The following GTF2H3 variants were observed in gnomAD, a reference collection of about 807,000 sequenced individuals.
GTF2H3 encodes the protein general transcription factor IIH subunit 3, also known as TFIIH basal transcription factor complex p34 subunit.
A neutral mutation model predicts 51.1 loss-of-function variants in GTF2H3; 42 were observed. The ratio of observed to expected loss-of-function variants is 0.82; its 90% CI spans 0.64 to 1.06. The LOEUF (loss-of-function observed/expected upper bound fraction) is 1.06, where lower values mean the gene tolerates loss of function less well. Ranked by LOEUF, GTF2H3 falls within the 50% of genes least tolerant of loss-of-function variation. The pLI, the probability that GTF2H3 is intolerant of heterozygous loss-of-function variation, is 0.00. For missense variants in GTF2H3, 326 were observed against 366.1 expected (o/e 0.89, Z 0.89); for synonymous variants, 123 against 123.8 (o/e 0.99, Z 0.04).
intron 2 of GTF2H3, among the ~76,000 whole-genome samples, chr12:123,644,442 C>T (rs7967780): frequency 0.14 from 21,082 of 151,936 alleles, 2,945 homozygotes; most frequent in African/African-American, 0.36. Flanking sequence ...CCGAGGCGGG[C>T]GGATCATGAG....
chr12:123,638,957 A>G (rs921878910), intron 1 of GTF2H3, among the ~76,000 whole-genome samples: 3 of 151,566 alleles, frequency 2.0e-5, no homozygotes, highest in Non-Finnish European at 4.4e-5. Context: ...CACCACGCCC[A>G]TCTAATTTTT....
intron 1 of GTF2H3, 33 bp from the exon 2 acceptor site, chr12:123,639,231 G>A: frequency 1.9e-6 from 2 of 1,061,966 alleles, no homozygotes; most frequent in Non-Finnish European, 2.9e-6. Context: ...TGGAGCTAAT[G>A]TTTTAAATTT....
chr12:123,659,649 G>A (rs1955630059), intron 10 of GTF2H3, 65 bp downstream of exon 10: 1 of 1,547,500 alleles, frequency 6.5e-7, no homozygotes, highest in Non-Finnish European at 8.9e-7. Flanking sequence ...TCCTGGGAAA[G>A]GAATGGAAGC....
intron 2 of GTF2H3, among the ~76,000 whole-genome samples, chr12:123,642,764 C>T (rs1955395588): frequency 2.0e-5 from 3 of 152,190 alleles, no homozygotes; most frequent in African/African-American, 7.2e-5. Context: ...ATAATTGTTA[C>T]TTACACAGTT....
At chr12:123,641,619 A>G (rs376325160) in intron 2 of GTF2H3, among the ~76,000 whole-genome samples, 1 of 149,390 alleles carries the variant, frequency 6.7e-6, no homozygotes, top group East Asian at 2.0e-4. Context: ...GTGAGCCACC[A>G]TGCCCATTTC....
chr12:123,654,315 A>AT (rs11417471), intron 7 of GTF2H3, among the ~76,000 whole-genome samples: 145,186 of 146,392 alleles, frequency 0.99, 72,001 homozygotes, highest in Middle Eastern at 1. Context: ...GGGGCTGTGT[A>AT]TTTGGTTGTG....
chr12:123,648,478 C>T (rs1015787321), intron 4 of GTF2H3: 4 of 163,728 alleles, frequency 2.4e-5, no homozygotes, highest in African/African-American at 9.6e-5. Flanking sequence ...TTTTCTCCCT[C>T]TATATGTTCT....
intron 3 of GTF2H3, 152 bp downstream of exon 3, chr12:123,645,713 A>G: frequency 1.7e-6 from 1 of 585,152 alleles, no homozygotes; most frequent in Non-Finnish European, 3.0e-6. Context: ...GTACATGTAC[A>G]TTGTGATATC....
chr12:123,660,245 A>C lies in GTF2H3; in HGVS notation c.*10A>C, dbSNP rs11573008. 619 of 1,591,680 alleles carry C rather than the reference A, an allele frequency of 3.9e-4. 3 individuals carry two copies. The African/African-American group carries it at 7.6e-3, about 19-fold the overall frequency. On this transcript the variant is annotated 3_prime_UTR_variant, in exon 13 of 13. Coordinates refer to ENST00000543341, the MANE Select transcript of GTF2H3 (RefSeq NM_001516.5). ...GAAAGTGTCTGCCTGAGGATAAAAT[A>C]TTTTCCCCATCTTTTAGAGCTGTTA...
intron 1 of GTF2H3, among the ~76,000 whole-genome samples, chr12:123,636,898 CAA>C (rs1955292716): frequency 2.0e-5 from 3 of 151,508 alleles, no homozygotes; most frequent in Admixed American, 2.0e-4. Context: ...CCCTGGGCAA[CAA>C]GAGCAAAACT....
intron 6 of GTF2H3, 51 bp from the exon 7 acceptor site, chr12:123,652,656 T>C (rs1251711124): frequency 6.5e-7 from 1 of 1,538,618 alleles, no homozygotes; most frequent in East Asian, 2.3e-5. Flanking sequence ...GGAAACCATA[T>C]ATGATTAGTA....
intron 2 of GTF2H3, among the ~76,000 whole-genome samples, chr12:123,642,568 C>G (rs915238997): frequency 6.6e-6 from 1 of 152,124 alleles, no homozygotes; most frequent in African/African-American, 2.4e-5. Context: ...ATAATTCGAC[C>G]CACAACAGTT....
rs963014701 is a variant in GTF2H3, at chr12:123,651,302, CCAGATTCAAG to C, written c.427+250_427+259del. 9 of 328,338 alleles carry C rather than the reference CCAGATTCAAG, an allele frequency of 2.7e-5. No individual in the cohort carries two copies. In the Admixed American group the frequency reaches 3.6e-4, roughly 13 times the overall value. 20.3% of individuals were successfully genotyped at this position (328,338 alleles called of 1,614,324 possible). A position where few individuals can be genotyped will look rare whatever the true frequency, so the allele number is the denominator to read the frequency against. ...CTCGGCTCACTGCAACCTTCGCCTCCCAGATTCAAGCAGTTCTCTTGCTTCAGCCTCCCAA... is the reference window on the plus strand; with the variant it reads ...CTCGGCTCACTGCAACCTTCGCCTCCCAGTTCTCTTGCTTCAGCCTCCCAA... On this transcript the variant is annotated intron_variant, in intron 5 of 12. Coordinates refer to ENST00000543341, the MANE Select transcript of GTF2H3 (RefSeq NM_001516.5).
chr12:123,659,468 A>G (rs1864954836), intron 9 of GTF2H3, 48 bp from the exon 10 acceptor site: 2 of 1,541,554 alleles, frequency 1.3e-6, no homozygotes, highest in Non-Finnish European at 1.8e-6. Context: ...TTCCTCTGGA[A>G]ACCCTAGGTA....
At chr12:123,651,541 C>G (rs1015983589) in intron 5 of GTF2H3, among the ~76,000 whole-genome samples, 2 of 151,098 alleles carry the variant, frequency 1.3e-5, no homozygotes, top group Non-Finnish European at 3.0e-5. Flanking sequence ...CTGTAAAGGC[C>G]GGGCGTGGTG....
chr12:123,635,552 G>A lies in GTF2H3; in HGVS notation c.13+1680G>A, dbSNP rs1045500612. Among the ~76,000 whole-genome samples, 88 of 141,862 alleles carry A rather than the reference G, an allele frequency of 6.2e-4. 1 individual carries two copies. The highest frequency in any genetic ancestry group is 2.3e-3 in the African/African-American group (85 of 37,572). The allele number at this position is 141,862 out of a possible 152,430, so 93.1% of individuals were successfully genotyped here. A position where few individuals can be genotyped will look rare whatever the true frequency, so the allele number is the denominator to read the frequency against. On this transcript the variant is annotated intron_variant, in intron 1 of 12. Coordinates refer to ENST00000543341, the MANE Select transcript of GTF2H3 (RefSeq NM_001516.5). ...CGTGCCACTGCACTCCAGCTTGGGCGACAGAGCAAGTCTCCGTCGCAAAAA... is the reference window on the plus strand; with the variant it reads ...CGTGCCACTGCACTCCAGCTTGGGCAACAGAGCAAGTCTCCGTCGCAAAAA...
At chr12:123,658,207 C>A (rs1051926991) in intron 9 of GTF2H3, among the ~76,000 whole-genome samples, 1 of 151,924 alleles carries the variant, frequency 6.6e-6, no homozygotes, top group Non-Finnish European at 1.5e-5. Flanking sequence ...CTGGCATGCA[C>A]TACAATGCCT....
chr12:123,656,765 A>G lies in GTF2H3; in HGVS notation c.615+941A>G, dbSNP rs140576206. Among the ~76,000 whole-genome samples, 6 of 152,200 alleles carry G rather than the reference A, an allele frequency of 3.9e-5. No homozygotes were observed. The East Asian group carries it at 9.6e-4, about 24-fold the overall frequency. ...TCTTCTCTTCCCTCCTTTCATAACC[A>G]TGAGCAAATCCTGTTGATTCTGCCT... is the stretch of plus-strand genomic sequence containing the variant. On this transcript the variant is annotated intron_variant, in intron 9 of 12. Transcript: ENST00000543341.
intron 2 of GTF2H3, among the ~76,000 whole-genome samples, chr12:123,642,245 A>G (rs997052617): frequency 7.4e-6 from 1 of 134,964 alleles, no homozygotes; most frequent in Non-Finnish European, 1.6e-5. Context: ...ATTTTGGCTT[A>G]CTGCAACCTC....
Sources: gnomAD v4.1 joint callset for allele counts (sites outside exome capture counted in the v4.1 genomes callset) on GRCh38, gnomAD v4.1.1 for gene constraint, MANE v1.5 for transcripts, NCBI Gene and HGNC (gene_info 2026-07-23, HGNC 2026-07-21) for gene names.